Variants in LAMA2 observed in about 807,000 individuals in gnomAD.
LAMA2 encodes laminin subunit alpha 2.
A neutral mutation model predicts 364.8 loss-of-function variants in LAMA2; 269 were observed. The observed-to-expected ratio is 0.74, with a 90% CI of 0.67 to 0.82. The LOEUF is 0.82. Ranked by LOEUF, LAMA2 falls within the 40% of genes least tolerant of loss-of-function variation. The probability of loss-of-function intolerance (pLI) is 0.00; values close to 1 mark genes in which losing one functional copy is unlikely to be tolerated. For missense variants in LAMA2, 3,807 were observed against 3,873.2 expected, an observed-to-expected ratio of 0.98 and a Z score of 0.45; for synonymous variants, 1,379 against 1,370.6, an observed-to-expected ratio of 1.01 and a Z score of -0.14.
At chr6:129,207,038 C>T (rs1359121364) in intron 12 of LAMA2, among the ~76,000 whole-genome samples, 1 of 152,184 alleles carries the variant, frequency 6.6e-6, no homozygotes, top group Non-Finnish European at 1.5e-5. Flanking sequence ...TCAGCAGTTG[C>T]CTTGAATCAT....
intron 4 of LAMA2, among the ~76,000 whole-genome samples, chr6:129,125,109 C>T (rs1268055638): frequency 2.6e-5 from 4 of 152,116 alleles, no homozygotes; most frequent in East Asian, 1.9e-4. Flanking sequence ...ATCAATTTTC[C>T]GTGAGGTGTG....
At chr6:129,321,397 G>A (rs1029959378) in intron 28 of LAMA2, among the ~76,000 whole-genome samples, 3 of 152,136 alleles carry the variant, frequency 2.0e-5, no homozygotes, top group African/African-American at 7.2e-5. Flanking sequence ...TTAGGCTTTA[G>A]CAGGTAAACA....
chr6:129,328,146 C>T lies in LAMA2; in HGVS notation c.4177-132C>T, dbSNP rs192063370. ...CATTAAGTATCAAAATCGGCACTTGCGTTTGTAAGTGATGTTGCCCCTGCC... is the reference window on the plus strand; with the variant it reads ...CATTAAGTATCAAAATCGGCACTTGTGTTTGTAAGTGATGTTGCCCCTGCC... On this transcript the variant is annotated intron_variant, in intron 28 of 64. Transcript: ENST00000421865. The T allele has an allele frequency of 8.8e-6, 7 of 796,018 alleles. No individual in the cohort carries two copies. The East Asian group carries it at 1.2e-4, about 14-fold the overall frequency. The allele number at this position is 796,018 out of a possible 1,614,324, so 49.3% of individuals were successfully genotyped here.
At chr6:129,268,762 A>G (rs1488777817) in intron 16 of LAMA2, among the ~76,000 whole-genome samples, 2 of 152,116 alleles carry the variant, frequency 1.3e-5, no homozygotes, top group South Asian at 2.1e-4. Flanking sequence ...GAAACAGTGG[A>G]CATCTTGATG....
At chr6:129,075,874 A>G in intron 3 of LAMA2, among the ~76,000 whole-genome samples, 1 of 152,150 alleles carries the variant, frequency 6.6e-6, no homozygotes, top group Middle Eastern at 3.4e-3. Context: ...GGATTGCTTA[A>G]GCCCAGGTAT....
At chr6:129,256,782 A>G (rs953480181) in intron 14 of LAMA2, among the ~76,000 whole-genome samples, 2 of 142,362 alleles carry the variant, frequency 1.4e-5, no homozygotes, top group African/African-American at 5.0e-5. Context: ...ATATATATAT[A>G]TATATATATA....
intron 40 of LAMA2, among the ~76,000 whole-genome samples, chr6:129,406,780 G>A (rs994013873): frequency 1.6e-4 from 25 of 152,094 alleles, no homozygotes; most frequent in Non-Finnish European, 3.7e-4. Context: ...ATACAAGAAG[G>A]GGGGTTTACT....
chr6:129,243,392 A>G (rs542377003), intron 12 of LAMA2, among the ~76,000 whole-genome samples: 5 of 152,232 alleles, frequency 3.3e-5, no homozygotes, highest in Admixed American at 2.0e-4. Context: ...TCAAAACACT[A>G]TAATGAATAT....
intron 51 of LAMA2, among the ~76,000 whole-genome samples, chr6:129,469,041 T>C (rs1562592368): frequency 6.6e-6 from 1 of 151,902 alleles, no homozygotes; most frequent in Non-Finnish European, 1.5e-5. Flanking sequence ...ACATGAATTA[T>C]TTGGGCAGCT....
chr6:129,457,369 A>T (rs1783022702), intron 48 of LAMA2, among the ~76,000 whole-genome samples: 1 of 152,122 alleles, frequency 6.6e-6, no homozygotes, highest in Admixed American at 6.6e-5. Context: ...CATATTATCA[A>T]CTTTCTCTCC....
At chr6:128,979,375 T>C (rs1782730672) in intron 1 of LAMA2, among the ~76,000 whole-genome samples, 1 of 152,152 alleles carries the variant, frequency 6.6e-6, no homozygotes, top group African/African-American at 2.4e-5. Flanking sequence ...AGCATCAGTG[T>C]ACTTTAGACA....
intron 55 of LAMA2, 126 bp downstream of exon 55, chr6:129,481,565 T>C: frequency 1.3e-6 from 1 of 789,824 alleles, no homozygotes. Context: ...GGACTGAACA[T>C]TCCATATTTC....
At chr6:129,363,299 G>C (rs1383406959) in intron 32 of LAMA2, among the ~76,000 whole-genome samples, 1 of 152,108 alleles carries the variant, frequency 6.6e-6, no homozygotes, top group Non-Finnish European at 1.5e-5. Context: ...GCAAGACCCT[G>C]TCTCAGAAAA....
At chr6:129,069,940 T>C (rs1204809479) in intron 3 of LAMA2, among the ~76,000 whole-genome samples, 1 of 151,744 alleles carries the variant, frequency 6.6e-6, no homozygotes, top group Non-Finnish European at 1.5e-5. Flanking sequence ...ATATTTGAAT[T>C]GTGAGACAGC....
chr6:129,350,916 C>G (rs576696051), intron 31 of LAMA2, among the ~76,000 whole-genome samples: 2 of 152,236 alleles, frequency 1.3e-5, no homozygotes, highest in East Asian at 3.9e-4. Flanking sequence ...ATATATAAAA[C>G]AGTGGATTCA....
intron 7 of LAMA2, among the ~76,000 whole-genome samples, chr6:129,152,010 T>G (rs574856957): frequency 6.6e-6 from 1 of 152,316 alleles, no homozygotes; most frequent in East Asian, 1.9e-4. Flanking sequence ...AACTACTATA[T>G]TCTAAATCAA....
At chr6:129,054,721 A>G (rs1788346173) in intron 2 of LAMA2, among the ~76,000 whole-genome samples, 1 of 148,550 alleles carries the variant, frequency 6.7e-6, no homozygotes. Flanking sequence ...TAAATAATAT[A>G]CACATATAAG....
At chr6:129,209,173 T>A (rs748684222) in intron 12 of LAMA2, among the ~76,000 whole-genome samples, 115 of 152,292 alleles carry the variant, frequency 7.6e-4, no homozygotes, top group Non-Finnish European at 1.4e-3. Context: ...AATTTTAAAT[T>A]AAGATGTGAT....
chr6:129,178,791 C>A (rs1780760814), intron 10 of LAMA2, among the ~76,000 whole-genome samples: 1 of 151,786 alleles, frequency 6.6e-6, no homozygotes, highest in Non-Finnish European at 1.5e-5. Context: ...CATATACAAC[C>A]ATTAAGCCAT....
Sources: allele counts gnomAD v4.1 joint callset (sites outside exome capture counted in the v4.1 genomes callset), GRCh38; gene constraint gnomAD v4.1.1; transcripts MANE v1.5; gene names NCBI Gene and HGNC (gene_info 2026-07-23, HGNC 2026-07-21).